The following CTIF variants were observed in gnomAD, a reference collection of about 807,000 sequenced individuals.
CTIF encodes CBP80/20-dependent translation initiation factor.
Under a neutral mutation model 66.0 loss-of-function variants are expected in CTIF, and 21 were observed. The ratio of observed to expected loss-of-function variants is 0.32; its 90% CI spans 0.23 to 0.46. CTIF has a LOEUF of 0.46. CTIF is among the 20% of genes least tolerant of loss of function. CTIF has a pLI of 1.00. For synonymous variants in CTIF, 345 were observed against 326.4 expected, an observed-to-expected ratio of 1.06 and a Z score of -0.62; for missense variants, 739 against 812.7, an observed-to-expected ratio of 0.91 and a Z score of 1.10.
At chr18:48,799,812 G>A (rs1248297190) in intron 9 of CTIF, among the ~76,000 whole-genome samples, 1 of 152,226 alleles carries the variant, frequency 6.6e-6, no homozygotes, top group Non-Finnish European at 1.5e-5. Flanking sequence ...GGGCCTAGAC[G>A]CAGCAGGTAC....
At chr18:48,751,430 C>T (rs1040425208) in intron 7 of CTIF, among the ~76,000 whole-genome samples, 1 of 152,214 alleles carries the variant, frequency 6.6e-6, no homozygotes, top group African/African-American at 2.4e-5. Context: ...AGATTCACAT[C>T]TGTCTCTCCA....
chr18:48,765,597 G>A (rs1336624288), intron 9 of CTIF, among the ~76,000 whole-genome samples: 2 of 152,234 alleles, frequency 1.3e-5, no homozygotes. Flanking sequence ...GCAGAGGTCT[G>A]AGGGCTCTTG....
At chr18:48,716,030 T>G (rs1243748217) in intron 7 of CTIF, among the ~76,000 whole-genome samples, 1 of 152,158 alleles carries the variant, frequency 6.6e-6, no homozygotes, top group Non-Finnish European at 1.5e-5. Flanking sequence ...CCAGAGCAGT[T>G]GTCCTAGGGG....
In CTIF at chr18:48,761,587, C is replaced by A; in HGVS notation, c.1269C>A (p.Ser423=). 6.2e-7 allele frequency: 1 copy of A among 1,614,152 alleles called. No individual in the cohort carries two copies. Among genetic ancestry groups the A allele is most frequent in the Non-Finnish European group, 8.5e-7 (1 of 1,180,038 alleles). ...IVRTIYQKAV[S]DRSFAFTAAK... Reference sequence around the variant, plus strand: ...GCACAATCTACCAGAAGGCTGTGTCCGACCGCAGCTTCGCCTTCACCGCTG... The same window carrying A: ...GCACAATCTACCAGAAGGCTGTGTCAGACCGCAGCTTCGCCTTCACCGCTG... Residue 423 remains serine (S), a synonymous_variant, in exon 9 of 12, where the codon TCC becomes TCA. Transcript: ENST00000256413. The surrounding 1 kb of genome is among the most constrained non-coding windows in gnomAD (Gnocchi z 4.2).
At chr18:48,687,305 GAC>G (rs3082465) in intron 6 of CTIF, among the ~76,000 whole-genome samples, 23,343 of 128,270 alleles carry the variant, frequency 0.18, 2,071 homozygotes, top group Non-Finnish European at 0.21. Context: ...TCTAGGAGGG[GAC>G]ACACACACAC....
intron 3 of CTIF, among the ~76,000 whole-genome samples, chr18:48,639,937 G>A (rs974754486): frequency 3.9e-5 from 6 of 152,282 alleles, no homozygotes; most frequent in Admixed American, 1.3e-4. Context: ...CCCTACTGGA[G>A]GGATCAAAGC....
chr18:48,853,444 G>A (rs908343078), intron 10 of CTIF, among the ~76,000 whole-genome samples: 10 of 152,112 alleles, frequency 6.6e-5, no homozygotes, highest in South Asian at 4.1e-4. Context: ...GGTGGGATGC[G>A]AGACCCCGAG....
intron 1 of CTIF, among the ~76,000 whole-genome samples, chr18:48,589,873 T>A (rs1291164934): frequency 6.6e-6 from 1 of 152,186 alleles, no homozygotes; most frequent in Non-Finnish European, 1.5e-5. Context: ...AGCATCACTT[T>A]TATTCTTTCA....
chr18:48,833,078 G>A (rs1434763243), intron 10 of CTIF, among the ~76,000 whole-genome samples: 1 of 152,204 alleles, frequency 6.6e-6, no homozygotes, highest in African/African-American at 2.4e-5. Flanking sequence ...GCAAGGGGAG[G>A]CGAGAGGCTG....
At chr18:48,658,414 ATG>A (rs1172553929) in intron 3 of CTIF, among the ~76,000 whole-genome samples, 2 of 80,020 alleles carry the variant, frequency 2.5e-5, no homozygotes. Flanking sequence ...GTGTGCACAT[ATG>A]TGTGTTTGGT....
chr18:48,708,677 C>T (rs1178855836), intron 6 of CTIF, among the ~76,000 whole-genome samples: 1 of 152,172 alleles, frequency 6.6e-6, no homozygotes, highest in East Asian at 1.9e-4. Context: ...GTTCTGTCAC[C>T]TCTGTCACTT....
intron 1 of CTIF, among the ~76,000 whole-genome samples, chr18:48,616,169 C>G (rs1173476680): frequency 6.6e-6 from 1 of 152,224 alleles, no homozygotes; most frequent in East Asian, 1.9e-4. Context: ...CCGACTGCAC[C>G]TGTTAGGTGT....
chr18:48,663,966 A>G, intron 4 of CTIF, 141 bp downstream of exon 4: 1 of 806,096 alleles, frequency 1.2e-6, no homozygotes, highest in South Asian at 1.5e-5. Flanking sequence ...GATGGGGTGG[A>G]AAGAAGGCCG....
At chr18:48,844,149 C>G (rs1268800006) in intron 10 of CTIF, among the ~76,000 whole-genome samples, 2 of 152,222 alleles carry the variant, frequency 1.3e-5, no homozygotes, top group East Asian at 3.9e-4. Context: ...CAGGAGGGAT[C>G]TTGGACTGGG....
At chr18:48,856,161 C>G (rs76866352) in intron 10 of CTIF, among the ~76,000 whole-genome samples, 1 of 152,174 alleles carries the variant, frequency 6.6e-6, no homozygotes, top group Admixed American at 6.5e-5. Flanking sequence ...GTGAGCTTCT[C>G]GGAAGCCACG....
intron 6 of CTIF, among the ~76,000 whole-genome samples, chr18:48,701,530 T>TCCCCCAGCCACACTGGGAGC (rs142329172): frequency 6.6e-6 from 1 of 151,488 alleles, no homozygotes; most frequent in Non-Finnish European, 1.5e-5. Context: ...AGTGCCTCCG[T>TCCCCCAGCCACACTGGGAGC]CCCCCAGCCC....
intron 1 of CTIF, among the ~76,000 whole-genome samples, chr18:48,600,979 C>A (rs900193021): frequency 2.0e-5 from 3 of 152,102 alleles, no homozygotes; most frequent in Non-Finnish European, 4.4e-5. Flanking sequence ...CTCTCAGCCA[C>A]GTAGACACTG....
chr18:48,682,320 A>C (rs548979377), intron 6 of CTIF, among the ~76,000 whole-genome samples: 90 of 152,218 alleles, frequency 5.9e-4, no homozygotes, highest in Middle Eastern at 6.8e-3. Context: ...TATCTTATTC[A>C]CCTCTGCAGC....
chr18:48,717,694 G>A (rs1273935422), intron 7 of CTIF, among the ~76,000 whole-genome samples: 1 of 152,148 alleles, frequency 6.6e-6, no homozygotes, highest in Non-Finnish European at 1.5e-5. Flanking sequence ...CAGGTCCCAG[G>A]ATGAAGTGAT....
Sources: gnomAD v4.1 joint callset for allele counts (sites outside exome capture counted in the v4.1 genomes callset) on GRCh38, gnomAD v4.1.1 for gene constraint, Gnocchi (gnomAD v3.1) non-coding constraint, MANE v1.5 for transcripts, NCBI Gene and HGNC (gene_info 2026-07-23, HGNC 2026-07-21) for gene names.